The following CCDC170 variants were observed in gnomAD, a reference collection of about 807,000 sequenced individuals.
The protein encoded by CCDC170 is coiled-coil domain containing 170.
A neutral mutation model predicts 72.6 loss-of-function variants in CCDC170; 69 were observed. The ratio of observed to expected loss-of-function variants is 0.95; its 90% CI spans 0.78 to 1.16. The LOEUF is 1.16. Among genes scored for constraint, CCDC170 ranks in the 50% most tolerant of loss-of-function variants. The pLI is 0.00. For missense variants in CCDC170, 852 were observed against 832.5 expected, an observed-to-expected ratio of 1.02 and a Z score of -0.29; for synonymous variants, 300 against 303.9, an observed-to-expected ratio of 0.99 and a Z score of 0.13.
Position 151,618,197 on chromosome 6 carries a change from C to A in CCDC170, c.*50C>A. The A allele has an allele frequency of 1.4e-6, 2 of 1,452,438 alleles. No homozygotes were observed. Among genetic ancestry groups the A allele is most frequent in the South Asian group, 1.2e-5 (1 of 84,418 alleles). The allele number at this position is 1,452,438 out of a possible 1,614,324, so 90.0% of individuals were successfully genotyped here. On this transcript the variant is annotated 3_prime_UTR_variant, in exon 11 of 11. Coordinates refer to ENST00000239374, the MANE Select transcript of CCDC170 (RefSeq NM_025059.4). ...GCCATAAGACATGGCACACAATTCC[C>A]AATTTCACAAATTCCTCATGTCTTT...
chr6:151,558,524 G>A (rs1783025265), intron 5 of CCDC170, among the ~76,000 whole-genome samples: 1 of 152,032 alleles, frequency 6.6e-6, no homozygotes, highest in Non-Finnish European at 1.5e-5. Flanking sequence ...TAGTTTTATA[G>A]TTTTAGGTTT....
chr6:151,617,408 C>CTTTTTT (rs745655791), intron 10 of CCDC170, among the ~76,000 whole-genome samples: 9 of 91,458 alleles, frequency 9.8e-5, no homozygotes, highest in South Asian at 4.1e-4. Flanking sequence ...GCTGTTTGTT[C>CTTTTTT]TTTTTTTTTT....
At chr6:151,567,174 C>T (rs1268284949) in intron 5 of CCDC170, among the ~76,000 whole-genome samples, 1 of 152,156 alleles carries the variant, frequency 6.6e-6, no homozygotes, top group Admixed American at 6.5e-5. Flanking sequence ...CTGCCTCGGC[C>T]TCTCAAAGTG....
At position 151,596,482 on chromosome 6, in the gene CCDC170, CAGA is replaced by C. The variant is rs1168119916; in HGVS notation, c.1621_1623del (p.Lys541del). Reference sequence around the variant, plus strand: ...CGCGCATCTTACCATCAGGAACTTGCAGAAGAAGGTGGAGAGGCTGCAGAAAGA... The same window carrying C: ...CGCGCATCTTACCATCAGGAACTTGCAGAAGGTGGAGAGGCTGCAGAAAGA... On this transcript the variant is annotated inframe_deletion, in exon 9 of 11. Transcript: ENST00000239374. 1 of 1,614,020 alleles carries C rather than the reference CAGA, an allele frequency of 6.2e-7. No homozygotes were observed. Among genetic ancestry groups the C allele is most frequent in the South Asian group, 1.1e-5 (1 of 91,074 alleles).
intron 3 of CCDC170, among the ~76,000 whole-genome samples, chr6:151,539,842 T>C (rs1782655260): frequency 6.6e-6 from 1 of 152,244 alleles, no homozygotes; most frequent in African/African-American, 2.4e-5. Context: ...TCATCTCATG[T>C]GATCATAATT....
At chr6:151,605,054 A>G (rs575098204) in intron 9 of CCDC170, among the ~76,000 whole-genome samples, 108 of 151,914 alleles carry the variant, frequency 7.1e-4, no homozygotes, top group African/African-American at 2.6e-3. Flanking sequence ...CCCTGCCCCC[A>G]CCCTTCCCAG....
chr6:151,586,066 A>C lies in CCDC170; in HGVS notation c.1270A>C (p.Asn424His), dbSNP rs756624505. 2.8e-5 allele frequency: 45 copies of C among 1,614,040 alleles called. No homozygotes were observed. The highest frequency in any genetic ancestry group is 2.7e-5 in the African/African-American group (2 of 74,938). ...GGTTTCTGGAGGTGTTTTGCGAGACAACTTGAATTTTGAGAAACAAAAAGT... is the reference window on the plus strand; with the variant it reads ...GGTTTCTGGAGGTGTTTTGCGAGACCACTTGAATTTTGAGAAACAAAAAGT... The part of the protein sequence containing the change: ...ELVSGGVLRD[N>H]LNFEKQKYLK... The change falls in exon 7 of 11, where the codon AAC becomes CAC. Residue 424 changes from asparagine to histidine, a missense_variant. By Grantham distance (68) the Asn-to-His change is moderately conservative. Coordinates refer to ENST00000239374, the MANE Select transcript of CCDC170 (RefSeq NM_025059.4).
chr6:151,500,325 T>C (rs763597792), intron 1 of CCDC170, among the ~76,000 whole-genome samples: 5 of 150,158 alleles, frequency 3.3e-5, no homozygotes, highest in African/African-American at 7.4e-5. Context: ...TCTCTAGATA[T>C]AAAGAAAACC....
At chr6:151,567,874 C>T (rs550603174) in intron 5 of CCDC170, among the ~76,000 whole-genome samples, 3 of 151,856 alleles carry the variant, frequency 2.0e-5, no homozygotes, top group South Asian at 2.1e-4. Flanking sequence ...TTTGGGAGGC[C>T]GAGGCAGGCA....
At chr6:151,553,356 C>G (rs971386830) in intron 5 of CCDC170, among the ~76,000 whole-genome samples, 2 of 152,106 alleles carry the variant, frequency 1.3e-5, no homozygotes, top group African/African-American at 4.8e-5. Flanking sequence ...ACATACAAGT[C>G]TGATGCCAGA....
chr6:151,497,887 A>G (rs1781932651), intron 1 of CCDC170, among the ~76,000 whole-genome samples: 1 of 148,508 alleles, frequency 6.7e-6, no homozygotes. Context: ...GAGGCAGGAG[A>G]ATTGCCTGAA....
At position 151,501,205 on chromosome 6, in the gene CCDC170, G is replaced by T. The variant is rs144490948; in HGVS notation, c.57+7020G>T. On this transcript the variant is annotated intron_variant, in intron 1 of 10. Transcript: ENST00000239374. ...AAACGTTAGACAAACCCACCTTGAA[G>T]GATATTCTACAATATGTTGACCAGG... Among the ~76,000 whole-genome samples, 451 of 152,170 alleles carry T rather than the reference G, an allele frequency of 3.0e-3. 1 individual carries two copies. Among genetic ancestry groups the T allele is most frequent in the Non-Finnish European group, 3.5e-3 (239 of 67,990 alleles).
At chr6:151,553,877 T>C (rs1038040251) in intron 5 of CCDC170, among the ~76,000 whole-genome samples, 3 of 152,202 alleles carry the variant, frequency 2.0e-5, no homozygotes, top group African/African-American at 7.2e-5. Context: ...GGAAGAGTCT[T>C]CATAATGCTT....
chr6:151,507,091 C>G lies in CCDC170; in HGVS notation c.57+12906C>G, dbSNP rs566079058. 2.0e-5 allele frequency among the ~76,000 whole-genome samples: 3 copies of G among 152,186 alleles called. No homozygotes were observed. In the South Asian group the frequency reaches 6.2e-4, roughly 32 times the overall value. On this transcript the variant is annotated intron_variant, in intron 1 of 10. Transcript: ENST00000239374. ...GAACTTCACTGTGAGTCCTTCCATG[C>G]TTGAGGGGTTTGTTGAAATGAGGGG...
intron 8 of CCDC170, among the ~76,000 whole-genome samples, chr6:151,595,395 C>G (rs1776605774): frequency 6.6e-6 from 1 of 152,072 alleles, no homozygotes; most frequent in Non-Finnish European, 1.5e-5. Flanking sequence ...CCTTACAGGC[C>G]AGACATATAA....
intron 1 of CCDC170, among the ~76,000 whole-genome samples, chr6:151,504,515 A>C (rs1402601663): frequency 2.6e-5 from 4 of 152,118 alleles, no homozygotes; most frequent in African/African-American, 9.7e-5. Context: ...ATAAAATTTT[A>C]AAAAGGAAGA....
intron 1 of CCDC170, among the ~76,000 whole-genome samples, chr6:151,507,870 G>A (rs1465205249): frequency 2.0e-5 from 3 of 150,826 alleles, no homozygotes; most frequent in African/African-American, 4.9e-5. Flanking sequence ...GCAGTGAGCC[G>A]AGATCGTGCC....
chr6:151,533,228 T>G (rs73615734), intron 1 of CCDC170, among the ~76,000 whole-genome samples: 104,661 of 151,032 alleles, frequency 0.69, 36,576 homozygotes, highest in Non-Finnish European at 0.75. Context: ...TAATTTTTTT[T>G]TATTTTTAGT....
chr6:151,499,225 ACTCTT>A, intron 1 of CCDC170, among the ~76,000 whole-genome samples: 4 of 135,628 alleles, frequency 2.9e-5, no homozygotes, highest in Admixed American at 7.4e-5. Flanking sequence ...ACTGTATTTG[ACTCTT>A]CTAGGCATGC....
Sources: allele counts gnomAD v4.1 joint callset (sites outside exome capture counted in the v4.1 genomes callset), GRCh38; gene constraint gnomAD v4.1.1; transcripts MANE v1.5; gene names NCBI Gene and HGNC (gene_info 2026-07-23, HGNC 2026-07-21).